TPPP: variants seen among roughly 807,000 people sequenced by gnomAD.
The protein encoded by TPPP is tubulin polymerization-promoting protein.
In TPPP, 6 loss-of-function variants were observed where a neutral mutation model predicts 15.5. The observed-to-expected ratio is 0.39, with a 90% CI of 0.21 to 0.77. The LOEUF (loss-of-function observed/expected upper bound fraction) is 0.77. TPPP is among the 30% of genes least tolerant of loss of function. The probability of loss-of-function intolerance (pLI) is 0.42; values close to 1 mark genes in which losing one functional copy is unlikely to be tolerated. For synonymous variants in TPPP, 146 were observed against 133.9 expected (o/e 1.09, Z -0.63); for missense variants, 269 against 307.2 (o/e 0.88, Z 0.93).
In TPPP at chr5:665,979, T is replaced by A. The variant is rs897224895; in HGVS notation, c.456A>T (p.Ser152=). The A allele has an allele frequency of 1.3e-5, 17 of 1,266,030 alleles. No individual in the cohort carries two copies. The highest frequency in any genetic ancestry group is 1.7e-5 in the Non-Finnish European group (17 of 983,440). The allele number at this position is 1,266,030 out of a possible 1,614,324, so 78.4% of individuals were successfully genotyped here. A position where few individuals can be genotyped will look rare whatever the true frequency, so the allele number is the denominator to read the frequency against. Residue 152 remains serine (S), a synonymous_variant, in exon 3 of 4, where the codon TCA becomes TCT. Transcript: ENST00000360578. ...TCCCCGCCCTGCTCACCGTCACCCCTGAGATGATGGGCGCCTTGCCCTCGA... is the reference window on the plus strand; with the variant it reads ...TCCCCGCCCTGCTCACCGTCACCCCAGAGATGATGGGCGCCTTGCCCTCGA... ...RLIEGKAPII[S]GVTKAISSPT...
intron 3 of TPPP, among the ~76,000 whole-genome samples, chr5:665,743 TCCCCAGGCCTCACC>T (rs1441046535): frequency 1.5e-5 from 1 of 67,834 alleles, no homozygotes; most frequent in Non-Finnish European, 2.7e-5. Flanking sequence ...TGACCACGCC[TCCCCAGGCCTCACC>T]CTCCAGGCTA....
In TPPP at chr5:666,005, T is replaced by C. The variant is rs1048417660; in HGVS notation, c.430A>G (p.Ile144Val). Residue 144 changes from isoleucine (I) to valine (V), a missense_variant, in exon 3 of 4, where the codon ATC (isoleucine) becomes GTC (valine). Physicochemically the swap from Ile to Val is conservative, Grantham distance 29. Transcript: ENST00000360578. ...EEAVREVHRLIEGKAPIISGV... is the reference protein window; with the variant it reads ...EEAVREVHRLVEGKAPIISGV... ...GAGATGATGGGCGCCTTGCCCTCGATGAGCCTGTGCACCTCGCGAACGGCC... is the reference window on the plus strand; with the variant it reads ...GAGATGATGGGCGCCTTGCCCTCGACGAGCCTGTGCACCTCGCGAACGGCC... 1.3e-6 allele frequency: 2 copies of C among 1,546,660 alleles called. No individual in the cohort carries two copies. Among genetic ancestry groups the C allele is most frequent in the African/African-American group, 2.8e-5 (2 of 71,230 alleles).
intron 2 of TPPP, among the ~76,000 whole-genome samples, chr5:676,818 GCACACA>G (rs1740451906): frequency 1.0e-5 from 1 of 99,910 alleles, no homozygotes; most frequent in East Asian, 2.3e-4. Flanking sequence ...AGAAACACAT[GCACACA>G]TGCGCACACG....
intron 2 of TPPP, among the ~76,000 whole-genome samples, chr5:670,001 C>T (rs1358884369): frequency 6.6e-6 from 1 of 152,198 alleles, no homozygotes; most frequent in Non-Finnish European, 1.5e-5. Flanking sequence ...CGCCCTGCCC[C>T]AAAGCCGGCC....
chr5:660,901 G>A lies in TPPP; in HGVS notation c.*4201C>T, dbSNP rs1739564187. ...CAACAGGCAAGTGGGGCGGCCACAG[G>A]ACATGATGCCAGCCCAACTCCACCA... On this transcript the variant is annotated 3_prime_UTR_variant, in exon 4 of 4. Transcript: ENST00000360578. 1 of 152,256 alleles carries A rather than the reference G, an allele frequency of 6.6e-6. No homozygotes were observed. Among genetic ancestry groups the A allele is most frequent in the South Asian group, 2.1e-4 (1 of 4,834 alleles). 9.4% of individuals were successfully genotyped at this position (152,256 alleles called of 1,614,324 possible).
At chr5:667,085 AAGCCTTTCCAGAAGTC>A (rs1169556453) in intron 2 of TPPP, 1 of 152,248 alleles carries the variant, frequency 6.6e-6, no homozygotes, top group African/African-American at 2.4e-5. Flanking sequence ...AAACCCCAGC[AAGCCTTTCCAGAAGTC>A]AGTGAGCAGA....
upstream of TPPP, among the ~76,000 whole-genome samples, chr5:693,676 G>T (rs1165590038): frequency 6.6e-6 from 1 of 151,536 alleles, no homozygotes; most frequent in East Asian, 1.9e-4. Context: ...GGCCCCCCGG[G>T]GACGACCGGA....
At chr5:698,258 C>T (rs1447633531), upstream of TPPP, among the ~76,000 whole-genome samples, 1 of 152,014 alleles carries the variant, frequency 6.6e-6, no homozygotes, top group Non-Finnish European at 1.5e-5. Flanking sequence ...TGGTATAAGA[C>T]ATGGATGCCC....
At chr5:697,984 C>G (rs1741044798), upstream of TPPP, among the ~76,000 whole-genome samples, 1 of 143,956 alleles carries the variant, frequency 6.9e-6, no homozygotes, top group Non-Finnish European at 1.5e-5. Context: ...GGATAATACA[C>G]CCTGATCAGG....
intron 2 of TPPP, among the ~76,000 whole-genome samples, chr5:675,038 G>A (rs1326009134): frequency 2.0e-5 from 2 of 98,256 alleles, no homozygotes; most frequent in Non-Finnish European, 4.3e-5. Flanking sequence ...GCAGTGAGGG[G>A]GGTACAGTAT....
chr5:669,610 C>T (rs1283630999), intron 2 of TPPP, among the ~76,000 whole-genome samples: 3 of 152,150 alleles, frequency 2.0e-5, no homozygotes, highest in East Asian at 1.9e-4. Flanking sequence ...GCACGCAGCC[C>T]TTTCTGACGG....
At chr5:669,106 C>T (rs1740085328) in intron 2 of TPPP, among the ~76,000 whole-genome samples, 1 of 152,248 alleles carries the variant, frequency 6.6e-6, no homozygotes, top group African/African-American at 2.4e-5. Context: ...CCTCACGCCT[C>T]ATGGGGTCCC....
chr5:665,282 C>T lies in TPPP; in HGVS notation c.480G>A (p.Ser160=), dbSNP rs779718455. ...IISGVTKAIS[S]PTVSRLTDTT... is the part of the protein sequence containing the mutation. ...TGTCCGTGAGCCTCGACACTGTGGG[C>T]GACGAGATGGCTTTCTGCAAGAGGA... Residue 160 remains serine (S), a synonymous_variant, in exon 4 of 4, where the codon TCG becomes TCA. Transcript: ENST00000360578. 8.7e-6 allele frequency: 14 copies of T among 1,612,880 alleles called. No individual in the cohort carries two copies. Among genetic ancestry groups the T allele is most frequent in the Admixed American group, 5.0e-5 (3 of 59,922 alleles).
intron 2 of TPPP, among the ~76,000 whole-genome samples, chr5:674,507 C>G (rs541348627): frequency 6.6e-6 from 1 of 152,142 alleles, no homozygotes; most frequent in Non-Finnish European, 1.5e-5. Context: ...GCCCGGGACA[C>G]GTCCCCTTGG....
chr5:682,720 C>T (rs1740661713), intron 1 of TPPP, among the ~76,000 whole-genome samples: 1 of 152,234 alleles, frequency 6.6e-6, no homozygotes, highest in Admixed American at 6.5e-5. Flanking sequence ...TAGCAGCAGC[C>T]TCGGTGCTCC....
chr5:698,167 C>A (rs548575845), upstream of TPPP, among the ~76,000 whole-genome samples: 1 of 151,038 alleles, frequency 6.6e-6, no homozygotes, highest in African/African-American at 2.4e-5. Flanking sequence ...CATGCATCAA[C>A]ATAATAAAAG....
At chr5:680,147 G>A (rs1225636180) in intron 1 of TPPP, among the ~76,000 whole-genome samples, 3 of 105,500 alleles carry the variant, frequency 2.8e-5, no homozygotes, top group Admixed American at 1.9e-4. Context: ...TCCGGCCCGC[G>A]GCCCCTGCGC....
At chr5:672,947 G>T (rs945367587) in intron 2 of TPPP, among the ~76,000 whole-genome samples, 1 of 152,204 alleles carries the variant, frequency 6.6e-6, no homozygotes, top group African/African-American at 2.4e-5. Context: ...ACAAAGGCTC[G>T]CAGATACCCC....
intron 1 of TPPP, among the ~76,000 whole-genome samples, chr5:686,869 C>T (rs1336467850): frequency 1.3e-4 from 18 of 142,574 alleles, no homozygotes; most frequent in Admixed American, 5.7e-4. Context: ...TGGGAATGAC[C>T]GAGTGCCTTA....
Sources: allele counts gnomAD v4.1 joint callset (sites outside exome capture counted in the v4.1 genomes callset), GRCh38; gene constraint gnomAD v4.1.1; transcripts MANE v1.5; gene names NCBI Gene and HGNC (gene_info 2026-07-23, HGNC 2026-07-21).